Variants in PRKD3 observed in about 807,000 individuals in gnomAD.
The protein encoded by PRKD3 is serine/threonine-protein kinase D3.
In PRKD3, 47 loss-of-function variants were observed where a neutral mutation model predicts 99.2. The ratio of observed to expected loss-of-function variants is 0.47; its 90% CI spans 0.38 to 0.60. The LOEUF (loss-of-function observed/expected upper bound fraction) is 0.60, where lower values mean the gene tolerates loss of function less well. Ranked by LOEUF, PRKD3 falls within the 20% of genes least tolerant of loss-of-function variation. The pLI is 0.00. For missense variants in PRKD3, 1,019 were observed against 1,088.4 expected, an observed-to-expected ratio of 0.94 and a Z score of 0.90; for synonymous variants, 392 against 355.4, an observed-to-expected ratio of 1.10 and a Z score of -1.16.
chr2:37,324,149 C>A (rs1446914371), intron 1 of PRKD3: 14 of 983,514 alleles, frequency 1.4e-5, no homozygotes, highest in Non-Finnish European at 1.7e-5. Context: ...CAAACGCAGT[C>A]GGGATACTGG....
At chr2:37,300,927 G>A (rs1670896513) in intron 2 of PRKD3, among the ~76,000 whole-genome samples, 1 of 152,162 alleles carries the variant, frequency 6.6e-6, no homozygotes. Context: ...AATATATTGA[G>A]TATGTACTTG....
intron 2 of PRKD3, among the ~76,000 whole-genome samples, chr2:37,314,121 A>G (rs1318530075): frequency 2.0e-5 from 3 of 152,198 alleles, no homozygotes; most frequent in African/African-American, 7.2e-5. Context: ...AGAAAAGATA[A>G]GAGAAAGTAG....
At chr2:37,303,195 C>T (rs1366896110) in intron 2 of PRKD3, among the ~76,000 whole-genome samples, 1 of 152,024 alleles carries the variant, frequency 6.6e-6, no homozygotes, top group Non-Finnish European at 1.5e-5. Flanking sequence ...GATTACCTGC[C>T]CGTCCCGTCC....
At chr2:37,297,890 C>T (rs542471302) in intron 2 of PRKD3, among the ~76,000 whole-genome samples, 37 of 152,226 alleles carry the variant, frequency 2.4e-4, no homozygotes, top group Admixed American at 1.8e-3. Flanking sequence ...ACTACTCTCC[C>T]CCCACCCTTT....
rs577646016 is a variant in PRKD3 at position 37,280,504 on chromosome 2, G to A, written c.989-575C>T. Among the ~76,000 whole-genome samples, 4 of 152,200 alleles carry A rather than the reference G, an allele frequency of 2.6e-5. No individual in the cohort carries two copies. In the South Asian group the frequency reaches 8.3e-4, roughly 31 times the overall value. On this transcript the variant is annotated intron_variant, in intron 7 of 18. Coordinates refer to ENST00000234179, the MANE Select transcript of PRKD3 (RefSeq NM_005813.6). ...TATGGTCAACTGATTTTTGACAAGA[G>A]TGTCAAGAAAATTCAACGGGCAAAA... is the stretch of plus-strand genomic sequence containing the variant.
At chr2:37,267,982 A>G (rs1668958932) in intron 13 of PRKD3, 1 of 187,138 alleles carries the variant, frequency 5.3e-6, no homozygotes, top group African/African-American at 2.4e-5. Context: ...TAAAAAATTT[A>G]TATTTGTCTC....
At chr2:37,302,237 T>C (rs1003346348) in intron 2 of PRKD3, among the ~76,000 whole-genome samples, 2 of 152,004 alleles carry the variant, frequency 1.3e-5, no homozygotes, top group African/African-American at 4.8e-5. Context: ...TTCCAACTGT[T>C]CCCCCATCCC....
intron 2 of PRKD3, among the ~76,000 whole-genome samples, chr2:37,296,899 CAAAAAAAAA>C (rs748730644): frequency 4.2e-5 from 2 of 48,130 alleles, no homozygotes; most frequent in African/African-American, 1.6e-4. Flanking sequence ...GACTCTGTCT[CAAAAAAAAA>C]AAAAAAAAAA....
chr2:37,318,034 T>A (rs1299179673), intron 1 of PRKD3: 2 of 151,238 alleles, frequency 1.3e-5, no homozygotes. Context: ...AAACAGCTCA[T>A]AATTGATGGT....
At chr2:37,274,290 G>A in intron 11 of PRKD3, 131 bp downstream of exon 11, 1 of 998,500 alleles carries the variant, frequency 1.0e-6, no homozygotes, top group South Asian at 1.7e-5. Flanking sequence ...AATTGTATTG[G>A]TTACTAAAGT....
intron 3 of PRKD3, among the ~76,000 whole-genome samples, chr2:37,291,588 G>C (rs1190839935): frequency 1.3e-5 from 2 of 152,228 alleles, no homozygotes; most frequent in East Asian, 3.8e-4. Context: ...AGGACTTCCA[G>C]GTGAGACAGG....
intron 1 of PRKD3, among the ~76,000 whole-genome samples, chr2:37,320,720 C>T (rs893707509): frequency 3.3e-5 from 5 of 152,164 alleles, no homozygotes; most frequent in Admixed American, 6.5e-5. Flanking sequence ...GCGTGAGCCA[C>T]TGCACCTGGC....
intron 14 of PRKD3, among the ~76,000 whole-genome samples, chr2:37,265,945 T>A (rs1450322810): frequency 6.6e-6 from 1 of 152,190 alleles, no homozygotes; most frequent in Non-Finnish European, 1.5e-5. Flanking sequence ...AAGAAATCAA[T>A]CCATAGGAAT....
rs1332261282 is a variant in PRKD3, at chr2:37,256,667, C to T, written c.2408G>A (p.Gly803Asp). The change falls in exon 17 of 19, where the codon GGT (glycine) becomes GAT (aspartate). Residue 803 changes from glycine (G) to aspartate (D), a missense_variant. Coordinates refer to ENST00000234179, the MANE Select transcript of PRKD3 (RefSeq NM_005813.6). ...TTTTTTTTTTTTTTTTTTACCTTCA[C>T]CAGAAATTTCTCTCCATGGATTTGG... ...YPPNPWREIS[G>D]EAIDLINNLL... 10 of 907,618 alleles carry T rather than the reference C, an allele frequency of 1.1e-5. No homozygotes were observed. Among genetic ancestry groups the T allele is most frequent in the Non-Finnish European group, 1.6e-5 (10 of 641,326 alleles). 56.2% of individuals were successfully genotyped at this position (907,618 alleles called of 1,614,324 possible).
chr2:37,268,209 T>A (rs1318843350), intron 13 of PRKD3: 4 of 419,220 alleles, frequency 9.5e-6, no homozygotes, highest in African/African-American at 4.2e-5. Flanking sequence ...CTATTTATTT[T>A]AGATTAACTC....
intron 2 of PRKD3, among the ~76,000 whole-genome samples, chr2:37,304,060 T>A (rs889063236): frequency 6.6e-6 from 1 of 152,180 alleles, no homozygotes; most frequent in Non-Finnish European, 1.5e-5. Context: ...ATTTTAAAAT[T>A]TGATGCCAAA....
At position 37,269,565 on chromosome 2, in the gene PRKD3, CCA is replaced by C. The variant is rs746928510; in HGVS notation, c.1777+48_1777+49del. The C allele has an allele frequency of 4.2e-5, 63 of 1,488,912 alleles. No individual in the cohort carries two copies. In the South Asian group the frequency reaches 7.1e-4, roughly 17 times the overall value. 92.2% of individuals were successfully genotyped at this position (1,488,912 alleles called of 1,614,324 possible). A position where few individuals can be genotyped will look rare whatever the true frequency, so the allele number is the denominator to read the frequency against. On this transcript the variant is annotated intron_variant, in intron 13 of 18. Transcript: ENST00000234179. ...ACAGCTGGCAGATGTTTTACATTTT[CCA>C]GTTTTTAAAATAATGTGTACAATAT...
At chr2:37,312,056 G>GT (rs1671449874) in intron 2 of PRKD3, among the ~76,000 whole-genome samples, 1 of 152,116 alleles carries the variant, frequency 6.6e-6, no homozygotes, top group African/African-American at 2.4e-5. Flanking sequence ...TTAAAACTAG[G>GT]TTTTTTTCTT....
chr2:37,264,442 G>A (rs1394895262), intron 14 of PRKD3, among the ~76,000 whole-genome samples: 1 of 130,992 alleles, frequency 7.6e-6, no homozygotes. Context: ...CAGACAATGG[G>A]AAATAAAATA....
Sources: allele counts gnomAD v4.1 joint callset (sites outside exome capture counted in the v4.1 genomes callset), GRCh38; gene constraint gnomAD v4.1.1; transcripts MANE v1.5; gene names NCBI Gene and HGNC (gene_info 2026-07-23, HGNC 2026-07-21).